Variants in CUX2 observed in about 807,000 individuals in gnomAD.
CUX2 encodes the protein cut like homeobox 2.
In CUX2, 40 loss-of-function variants were observed where a neutral mutation model predicts 144.8. The observed-to-expected ratio is 0.28, with a 90% CI of 0.21 to 0.36. CUX2 has a LOEUF of 0.36. CUX2 is among the 10% of genes least tolerant of loss of function. CUX2 has a pLI of 1.00. For synonymous variants in CUX2, 827 were observed against 875.6 expected, an observed-to-expected ratio of 0.94 and a Z score of 0.98; for missense variants, 1,615 against 1,994.0, an observed-to-expected ratio of 0.81 and a Z score of 3.62.
At chr12:111,273,583 T>A (rs530490071) in intron 4 of CUX2, among the ~76,000 whole-genome samples, 1 of 152,196 alleles carries the variant, frequency 6.6e-6, no homozygotes, top group African/African-American at 2.4e-5. Flanking sequence ...GATTGAAAAG[T>A]TCCAGGCTGG....
intron 1 of CUX2, among the ~76,000 whole-genome samples, chr12:111,158,072 G>A (rs1340522641): frequency 6.6e-6 from 1 of 152,138 alleles, no homozygotes; most frequent in Non-Finnish European, 1.5e-5. Flanking sequence ...GACGCAATCA[G>A]GAAGGTTCAA....
At chr12:111,090,825 T>C (rs575101961) in intron 1 of CUX2, among the ~76,000 whole-genome samples, 1 of 151,798 alleles carries the variant, frequency 6.6e-6, no homozygotes, top group South Asian at 2.1e-4. Context: ...TCTCACTCTC[T>C]CTGTTTTTTT....
intron 1 of CUX2, among the ~76,000 whole-genome samples, chr12:111,105,115 G>A (rs1275040206): frequency 6.6e-6 from 1 of 152,218 alleles, no homozygotes; most frequent in East Asian, 1.9e-4. Flanking sequence ...TGACTCGGGG[G>A]CCACATTGAG....
chr12:111,180,322 G>T (rs1437273530), intron 1 of CUX2, among the ~76,000 whole-genome samples: 2 of 152,090 alleles, frequency 1.3e-5, no homozygotes, highest in African/African-American at 4.8e-5. Context: ...CGCAGGACAT[G>T]AGCAGATCCC....
intron 1 of CUX2, among the ~76,000 whole-genome samples, chr12:111,208,458 A>G (rs1881035217): frequency 6.6e-6 from 1 of 152,176 alleles, no homozygotes; most frequent in Non-Finnish European, 1.5e-5. Context: ...TGGTTGGGGA[A>G]ACCCAGACGA....
At chr12:111,308,110 C>T (rs549851795) in intron 12 of CUX2, among the ~76,000 whole-genome samples, 175 bp from the exon 13 acceptor site, 2 of 152,338 alleles carry the variant, frequency 1.3e-5, no homozygotes, top group Admixed American at 1.3e-4. Context: ...ACATCGCCAC[C>T]TGTTAATGAG....
At chr12:111,079,100 T>A (rs1326154835) in intron 1 of CUX2, among the ~76,000 whole-genome samples, 1 of 152,214 alleles carries the variant, frequency 6.6e-6, no homozygotes, top group Non-Finnish European at 1.5e-5. Flanking sequence ...TAAGATCAGA[T>A]AGATGTGGGA....
At chr12:111,179,924 C>T (rs1879068710) in intron 1 of CUX2, among the ~76,000 whole-genome samples, 1 of 152,176 alleles carries the variant, frequency 6.6e-6, no homozygotes, top group African/African-American at 2.4e-5. Context: ...CCTCAGGGGA[C>T]CTGCCCGCCT....
rs1168027480 is a variant in CUX2, at chr12:111,255,910, C to T, written c.223-7851C>T. ...GGGACTGTCAGAGTGAGTGGGAACC[C>T]TCAGGATAGTCTAGCCAGACCTCCC... On this transcript the variant is annotated intron_variant, in intron 3 of 21. Coordinates refer to ENST00000261726, the MANE Select transcript of CUX2 (RefSeq NM_015267.4). This position sits in a 1 kb window ranked among gnomAD's most constrained non-coding sequence, Gnocchi z 4.1. 6.6e-6 allele frequency among the ~76,000 whole-genome samples: 1 copy of T among 152,116 alleles called. No individual in the cohort carries two copies. Among genetic ancestry groups the T allele is most frequent in the Non-Finnish European group, 1.5e-5 (1 of 68,008 alleles).
At chr12:111,226,146 G>A (rs921608716) in intron 3 of CUX2, among the ~76,000 whole-genome samples, 2 of 152,208 alleles carry the variant, frequency 1.3e-5, no homozygotes, top group Non-Finnish European at 2.9e-5. Context: ...GTTTCACCAT[G>A]TTGGCCAGGC....
At chr12:111,204,952 G>A (rs1880827359) in intron 1 of CUX2, among the ~76,000 whole-genome samples, 1 of 152,176 alleles carries the variant, frequency 6.6e-6, no homozygotes, top group African/African-American at 2.4e-5. Flanking sequence ...ATAGAACGCG[G>A]GGAAGCCAGC....
chr12:111,331,654 T>A (rs1016696471), intron 18 of CUX2, among the ~76,000 whole-genome samples: 1 of 152,146 alleles, frequency 6.6e-6, no homozygotes, highest in South Asian at 2.1e-4. Context: ...TGTATAATGC[T>A]ACGTGTCTTA....
intron 1 of CUX2, among the ~76,000 whole-genome samples, chr12:111,091,899 G>A (rs183952986): frequency 3.3e-5 from 5 of 152,308 alleles, no homozygotes; most frequent in East Asian, 3.9e-4. Context: ...AAGGACAAGG[G>A]TCGCTAGATT....
At chr12:111,042,545 T>A (rs1009463916) in intron 1 of CUX2, among the ~76,000 whole-genome samples, 10 of 152,100 alleles carry the variant, frequency 6.6e-5, no homozygotes, top group Non-Finnish European at 1.5e-4. Context: ...CTTGGATGAG[T>A]CAATTAACCT....
chr12:111,121,477 T>C (rs1592915762), intron 1 of CUX2, among the ~76,000 whole-genome samples: 1 of 142,832 alleles, frequency 7.0e-6, no homozygotes, highest in Non-Finnish European at 1.5e-5. Context: ...CATGGGTTCA[T>C]GCGATTCTCA....
At chr12:111,176,306 C>T (rs1346899804) in intron 1 of CUX2, among the ~76,000 whole-genome samples, 3 of 151,862 alleles carry the variant, frequency 2.0e-5, no homozygotes, top group South Asian at 2.1e-4. Context: ...CTTGGCCTCC[C>T]AAAAGTGCTG....
At chr12:111,232,768 A>C (rs1367924667) in intron 3 of CUX2, among the ~76,000 whole-genome samples, 1 of 152,186 alleles carries the variant, frequency 6.6e-6, no homozygotes, top group Non-Finnish European at 1.5e-5. Context: ...GGAGAAATTT[A>C]ATCACCTTAT....
At chr12:111,089,952 G>A (rs1361244671) in intron 1 of CUX2, among the ~76,000 whole-genome samples, 1 of 152,214 alleles carries the variant, frequency 6.6e-6, no homozygotes, top group Non-Finnish European at 1.5e-5. Context: ...GAGCCATGGA[G>A]GTTTTGGGGC....
intron 1 of CUX2, among the ~76,000 whole-genome samples, chr12:111,096,056 G>C (rs1872795341): frequency 6.6e-6 from 1 of 152,222 alleles, no homozygotes; most frequent in South Asian, 2.1e-4. Context: ...GTGATGCTGG[G>C]ACAAGAGAGA....
Sources: gnomAD v4.1 joint callset for allele counts (sites outside exome capture counted in the v4.1 genomes callset) on GRCh38, gnomAD v4.1.1 for gene constraint, Gnocchi (gnomAD v3.1) non-coding constraint, MANE v1.5 for transcripts, NCBI Gene and HGNC (gene_info 2026-07-23, HGNC 2026-07-21) for gene names.